CDYL2: variants seen among roughly 807,000 people sequenced by gnomAD.
CDYL2 encodes the protein chromodomain Y-like protein 2.
CDYL2 carries 23 observed loss-of-function variants against 49.4 expected under a neutral mutation model. The observed-to-expected ratio is 0.47, with a 90% CI of 0.34 to 0.66. The LOEUF (loss-of-function observed/expected upper bound fraction) is 0.66, where lower values mean the gene tolerates loss of function less well. Ranked by LOEUF, CDYL2 falls within the 30% of genes least tolerant of loss-of-function variation. CDYL2 has a pLI of 0.01. For synonymous variants in CDYL2, 360 were observed against 268.8 expected, an observed-to-expected ratio of 1.34 and a Z score of -3.32; for missense variants, 678 against 656.4, an observed-to-expected ratio of 1.03 and a Z score of -0.36.
intron 2 of CDYL2, among the ~76,000 whole-genome samples, chr16:80,663,833 T>A (rs1909149324): frequency 6.6e-6 from 1 of 152,202 alleles, no homozygotes; most frequent in Admixed American, 6.5e-5. Context: ...GCTCAGGCAA[T>A]CCACCACCTT....
At chr16:80,607,773 T>C (rs1906407697) in intron 6 of CDYL2, among the ~76,000 whole-genome samples, 1 of 152,236 alleles carries the variant, frequency 6.6e-6, no homozygotes, top group Non-Finnish European at 1.5e-5. Flanking sequence ...GCTTCTCGTT[T>C]CTTTGAAAGC....
Position 80,598,035 on chromosome 16 carries a change from G to A in CDYL2, c.*6353C>T, listed in dbSNP as rs577197775. On this transcript the variant is annotated 3_prime_UTR_variant, in exon 7 of 7. Coordinates refer to ENST00000570137, the MANE Select transcript of CDYL2 (RefSeq NM_152342.4). ...TACACGTTACAGGACCATTCACAAA[G>A]AGAGTGTACAATTTGCTCTAGACAG... 9 of 152,190 alleles carry A rather than the reference G, an allele frequency of 5.9e-5. No homozygotes were observed. Among genetic ancestry groups the A allele is most frequent in the African/African-American group, 1.9e-4 (8 of 41,448 alleles). 9.4% of individuals were successfully genotyped at this position (152,190 alleles called of 1,614,324 possible). A position where few individuals can be genotyped will look rare whatever the true frequency, so the allele number is the denominator to read the frequency against.
At chr16:80,631,559 T>G (rs1272661809) in intron 3 of CDYL2, among the ~76,000 whole-genome samples, 2 of 152,220 alleles carry the variant, frequency 1.3e-5, no homozygotes, top group Admixed American at 1.3e-4. Context: ...ACAGACTTTA[T>G]CAAAATTTAA....
chr16:80,658,613 G>A (rs1908908584), intron 2 of CDYL2, among the ~76,000 whole-genome samples: 1 of 152,174 alleles, frequency 6.6e-6, no homozygotes, highest in Non-Finnish European at 1.5e-5. Context: ...GAGAGGCAAG[G>A]AAGAATCCAG....
chr16:80,620,822 T>G lies in CDYL2; in HGVS notation c.948A>C (p.Leu316=), dbSNP rs750153584. 1 of 1,612,042 alleles carries G rather than the reference T, an allele frequency of 6.2e-7. No homozygotes were observed. The highest frequency in any genetic ancestry group is 1.3e-5 in the African/African-American group (1 of 74,944). The change falls in exon 4 of 7, where the codon CTA becomes CTC. Residue 316 remains leucine (L), a synonymous_variant. Coordinates refer to ENST00000570137, the MANE Select transcript of CDYL2 (RefSeq NM_152342.4). ...GCCGGTCGCTGGACAACCGGCCAAT[T>G]AGGTAGGAATAATCCAGGCCGCTGC... is the stretch of plus-strand genomic sequence containing the variant. ...VFCSGLDYSY[L]IGRLSSDRRK...
chr16:80,608,309 C>T (rs1906439501), intron 5 of CDYL2, 74 bp from the exon 6 acceptor site: 6 of 1,417,414 alleles, frequency 4.2e-6, no homozygotes, highest in Non-Finnish European at 5.6e-6. Context: ...CCAGGGCTTG[C>T]CACCTGCAAC....
intron 2 of CDYL2, among the ~76,000 whole-genome samples, chr16:80,675,879 G>A (rs1169814217): frequency 6.6e-6 from 1 of 152,154 alleles, no homozygotes; most frequent in Non-Finnish European, 1.5e-5. Flanking sequence ...GGATAGCCAT[G>A]AGCAAACAGT....
At chr16:80,789,208 G>A (rs10445095) in intron 1 of CDYL2, among the ~76,000 whole-genome samples, 1 of 152,050 alleles carries the variant, frequency 6.6e-6, no homozygotes, top group Non-Finnish European at 1.5e-5. Context: ...ATGGAAAACA[G>A]TATAGAGGTA....
chr16:80,606,520 C>T (rs1467796683), intron 6 of CDYL2, among the ~76,000 whole-genome samples: 2 of 152,160 alleles, frequency 1.3e-5, no homozygotes, highest in African/African-American at 4.8e-5. Flanking sequence ...CACACTGCTG[C>T]CTACACTCCC....
intron 1 of CDYL2, among the ~76,000 whole-genome samples, chr16:80,792,869 G>C (rs1231701476): frequency 3.9e-5 from 6 of 152,076 alleles, no homozygotes; most frequent in African/African-American, 1.4e-4. Flanking sequence ...CCTTCCCATG[G>C]AACAGCCTAC....
chr16:80,667,982 C>T (rs1429781012), intron 2 of CDYL2, among the ~76,000 whole-genome samples: 1 of 152,212 alleles, frequency 6.6e-6, no homozygotes, highest in African/African-American at 2.4e-5. Context: ...GGGAGAGACA[C>T]AAGTGGAAGG....
chr16:80,794,868 C>T (rs1907723328), intron 1 of CDYL2, among the ~76,000 whole-genome samples: 1 of 152,066 alleles, frequency 6.6e-6, no homozygotes, highest in South Asian at 2.1e-4. Context: ...CCATCTTGGC[C>T]TCCCAAAGTG....
intron 2 of CDYL2, among the ~76,000 whole-genome samples, chr16:80,682,977 G>C (rs928902901): frequency 2.0e-5 from 3 of 152,316 alleles, no homozygotes; most frequent in African/African-American, 4.8e-5. Flanking sequence ...TCTCTCTGGA[G>C]AAAGAGGAGC....
chr16:80,713,493 A>C (rs553728076), intron 1 of CDYL2, among the ~76,000 whole-genome samples: 5 of 152,164 alleles, frequency 3.3e-5, no homozygotes, highest in African/African-American at 4.8e-5. Flanking sequence ...AGCCCAGAGC[A>C]CCAAAGGTCC....
chr16:80,669,251 G>A (rs966589723), intron 2 of CDYL2, among the ~76,000 whole-genome samples: 1 of 152,030 alleles, frequency 6.6e-6, no homozygotes, highest in Non-Finnish European at 1.5e-5. Flanking sequence ...CGGCCTGGCC[G>A]AGCAGAGGAA....
chr16:80,672,352 C>CACACACACACACAG (rs68130206), intron 2 of CDYL2, among the ~76,000 whole-genome samples: 4 of 117,772 alleles, frequency 3.4e-5, no homozygotes, highest in Non-Finnish European at 7.0e-5. Context: ...CACACACACA[C>CACACACACACACAG]AGAGAGAGAG....
chr16:80,799,491 G>A (rs1907862966), intron 1 of CDYL2, among the ~76,000 whole-genome samples: 1 of 152,102 alleles, frequency 6.6e-6, no homozygotes, highest in Admixed American at 6.5e-5. Flanking sequence ...AATGAATGAT[G>A]GTGCTATGAA....
chr16:80,619,911 C>T (rs143984092), intron 4 of CDYL2, among the ~76,000 whole-genome samples: 253 of 152,296 alleles, frequency 1.7e-3, no homozygotes, highest in Non-Finnish European at 2.0e-3. Flanking sequence ...CTCTGTGTGG[C>T]CCCTCCACAG....
intron 1 of CDYL2, among the ~76,000 whole-genome samples, chr16:80,740,343 T>C (rs568765792): frequency 2.0e-5 from 3 of 152,290 alleles, no homozygotes; most frequent in South Asian, 2.1e-4. Flanking sequence ...GAAGTGAGTA[T>C]AGAAACAGCC....
Sources: gnomAD v4.1 joint callset for allele counts (sites outside exome capture counted in the v4.1 genomes callset) on GRCh38, gnomAD v4.1.1 for gene constraint, MANE v1.5 for transcripts, NCBI Gene and HGNC (gene_info 2026-07-23, HGNC 2026-07-21) for gene names.